The following CNTN1 variants were observed in gnomAD, a reference collection of about 807,000 sequenced individuals.
CNTN1 encodes contactin-1.
Under a neutral mutation model 126.4 loss-of-function variants are expected in CNTN1, and 38 were observed. That is an observed-to-expected ratio of 0.30 (90% confidence interval 0.23 to 0.39). The LOEUF (loss-of-function observed/expected upper bound fraction) is 0.39. Among genes scored for constraint, CNTN1 ranks in the 10% least tolerant of loss-of-function variants. CNTN1 has a pLI of 1.00. For missense variants in CNTN1, 1,009 were observed against 1,248.4 expected (o/e 0.81, Z 2.89); for synonymous variants, 413 against 422.6 (o/e 0.98, Z 0.28).
chr12:41,023,988 A>C (rs1948984043), intron 20 of CNTN1, among the ~76,000 whole-genome samples: 1 of 152,164 alleles, frequency 6.6e-6, no homozygotes, highest in Non-Finnish European at 1.5e-5. Context: ...ACTGTGGGCA[A>C]CTGGTACTCC....
Position 40,701,599 on chromosome 12 carries a change from A to G in CNTN1, c.-77+9007A>G, listed in dbSNP as rs191161195. 5.7e-3 allele frequency among the ~76,000 whole-genome samples: 869 copies of G among 152,272 alleles called. 3 individuals are homozygous for G. Among genetic ancestry groups the G allele is most frequent in the Non-Finnish European group, 7.6e-3 (516 of 68,016 alleles). On this transcript the variant is annotated intron_variant, in intron 1 of 23. Transcript: ENST00000551295. ...TTTCCTTTGTAGAGTATTTTTATAC[A>G]TTAAATGTGGTGTAATATAATTTAA...
chr12:40,917,062 G>GGGTT (rs1555179739), intron 3 of CNTN1, among the ~76,000 whole-genome samples: 1 of 102,490 alleles, frequency 9.8e-6, no homozygotes, highest in African/African-American at 3.7e-5. Context: ...TGGTGGGGGC[G>GGGTT]GGGGGGGGGG....
At chr12:40,753,962 C>A (rs1225359165) in intron 1 of CNTN1, among the ~76,000 whole-genome samples, 3 of 151,812 alleles carry the variant, frequency 2.0e-5, no homozygotes, top group Non-Finnish European at 4.4e-5. Context: ...TATATTGTTT[C>A]TATTATTCAC....
chr12:41,051,712 CAATA>C (rs1949687160), intron 23 of CNTN1, among the ~76,000 whole-genome samples: 3 of 151,708 alleles, frequency 2.0e-5, no homozygotes, highest in Non-Finnish European at 4.4e-5. Context: ...TGGTCTAGGC[CAATA>C]AATAAATATT....
At chr12:40,983,388 C>T (rs943287414) in intron 16 of CNTN1, among the ~76,000 whole-genome samples, 1 of 151,886 alleles carries the variant, frequency 6.6e-6, no homozygotes, top group Non-Finnish European at 1.5e-5. Context: ...TTTTGTTCCT[C>T]TTTTCCTTGT....
chr12:40,956,791 G>C (rs1946901017), intron 14 of CNTN1, among the ~76,000 whole-genome samples: 1 of 152,044 alleles, frequency 6.6e-6, no homozygotes, highest in African/African-American at 2.4e-5. Flanking sequence ...TGCTTTTATG[G>C]AGACAAGTGA....
At position 40,905,932 on chromosome 12, in the gene CNTN1, A is replaced by G. The variant is rs74499287; in HGVS notation, c.-76-2425A>G. ...AACGATGTCATGCACAATCAAAATAAAAAGCTAAAAATCTTTCCACAGATC... is the reference window on the plus strand; with the variant it reads ...AACGATGTCATGCACAATCAAAATAGAAAGCTAAAAATCTTTCCACAGATC... On this transcript the variant is annotated intron_variant, in intron 1 of 23. Transcript: ENST00000551295. 8.5e-3 allele frequency among the ~76,000 whole-genome samples: 1,294 copies of G among 152,320 alleles called. 19 individuals carry two copies. The highest frequency in any genetic ancestry group is 0.029 in the African/African-American group (1,209 of 41,566).
chr12:40,746,213 C>G (rs996537381), intron 1 of CNTN1, among the ~76,000 whole-genome samples: 3 of 152,062 alleles, frequency 2.0e-5, no homozygotes, highest in Non-Finnish European at 4.4e-5. Context: ...CTTACTACTA[C>G]CAAATTATAC....
intron 4 of CNTN1, among the ~76,000 whole-genome samples, chr12:40,919,801 A>G (rs1945373062): frequency 6.6e-6 from 1 of 152,160 alleles, no homozygotes. Context: ...AATTTCATAC[A>G]TGGAAATATG....
intron 1 of CNTN1, among the ~76,000 whole-genome samples, chr12:40,794,362 AAGAT>A (rs948147116): frequency 3.9e-5 from 6 of 152,010 alleles, no homozygotes; most frequent in Non-Finnish European, 8.8e-5. Flanking sequence ...TATTCCTCTC[AAGAT>A]AGATAGATGG....
intron 1 of CNTN1, among the ~76,000 whole-genome samples, chr12:40,843,840 TGTTAA>T (rs949781293): frequency 2.4e-4 from 37 of 152,118 alleles, no homozygotes; most frequent in Non-Finnish European, 4.6e-4. Flanking sequence ...TCATTGAAGA[TGTTAA>T]ATACGTGGGA....
chr12:40,919,387 A>G (rs1442178), intron 4 of CNTN1, among the ~76,000 whole-genome samples: 9,423 of 152,210 alleles, frequency 0.062, 510 homozygotes, highest in Admixed American at 0.16. Flanking sequence ...CCTGCTTCAG[A>G]TGGGTCATAA....
chr12:40,894,295 T>C (rs1332157400), intron 1 of CNTN1, among the ~76,000 whole-genome samples: 2 of 152,166 alleles, frequency 1.3e-5, no homozygotes, highest in Non-Finnish European at 2.9e-5. Flanking sequence ...AGTCACTAGA[T>C]CTTGAAAGAT....
intron 2 of CNTN1, among the ~76,000 whole-genome samples, chr12:40,909,761 G>A (rs1944963216): frequency 6.6e-6 from 1 of 151,174 alleles, no homozygotes; most frequent in Non-Finnish European, 1.5e-5. Context: ...TATATATAAT[G>A]TAAATATAAT....
Position 40,983,468 on chromosome 12 carries a change from C to CGTGT in CNTN1, c.1963+2423_1963+2426dup, listed in dbSNP as rs141568233. ...TTTTAATTCCTTTGATGATATTCAC[C>CGTGT]GTGTGTGTGTGTGTGTGTGTGTGTG... On this transcript the variant is annotated intron_variant, in intron 16 of 23. Transcript: ENST00000551295. Among the ~76,000 whole-genome samples, 368 of 145,966 alleles carry CGTGT rather than the reference C, an allele frequency of 2.5e-3. 1 individual carries two copies. Among genetic ancestry groups the CGTGT allele is most frequent in the African/African-American group, 7.9e-3 (315 of 40,006 alleles).
rs370984371 is a variant in CNTN1 at position 40,707,227 on chromosome 12, C to CTT, written c.-77+14673_-77+14674dup. On this transcript the variant is annotated intron_variant, in intron 1 of 23. Transcript: ENST00000551295. ...TTCCTCTTTCATTTCTTTTCTTTTT[C>CTT]TTTTTTTTTTTTTTTTTTTTTTTTT... Among the ~76,000 whole-genome samples the CTT allele has an allele frequency of 1.2e-3, 132 of 109,118 alleles. 7 individuals carry two copies. The highest frequency in any genetic ancestry group is 1.5e-3 in the African/African-American group (40 of 26,088). 71.6% of individuals were successfully genotyped at this position (109,118 alleles called of 152,430 possible).
At chr12:40,958,351 ATGTGTGTGTGTG>A (rs34419027) in intron 14 of CNTN1, among the ~76,000 whole-genome samples, 2 of 147,040 alleles carry the variant, frequency 1.4e-5, no homozygotes, top group Non-Finnish European at 3.0e-5. Flanking sequence ...GTGTGTATAT[ATGTGTGTGTGTG>A]TGTGTGTGTG....
intron 19 of CNTN1, among the ~76,000 whole-genome samples, chr12:41,019,694 A>T (rs569636843): frequency 4.1e-4 from 62 of 152,298 alleles, no homozygotes; most frequent in African/African-American, 1.5e-3. Context: ...TTGGAAGATT[A>T]GACATATAAA....
chr12:40,703,918 T>C (rs1189087251), intron 1 of CNTN1, among the ~76,000 whole-genome samples: 1 of 152,028 alleles, frequency 6.6e-6, no homozygotes, highest in Non-Finnish European at 1.5e-5. Context: ...CTAAACTAAG[T>C]GTGTAAAATA....
Sources: gnomAD v4.1 joint callset for allele counts (sites outside exome capture counted in the v4.1 genomes callset) on GRCh38, gnomAD v4.1.1 for gene constraint, MANE v1.5 for transcripts, NCBI Gene and HGNC (gene_info 2026-07-23, HGNC 2026-07-21) for gene names.